PDZD2: variants seen among roughly 807,000 people sequenced by gnomAD.
PDZD2 encodes the protein PDZ domain containing 2, also known as PDZ domain-containing protein 2.
PDZD2 carries 90 observed loss-of-function variants against 220.7 expected under a neutral mutation model. That is an observed-to-expected ratio of 0.41 (90% CI 0.34 to 0.49). The LOEUF (loss-of-function observed/expected upper bound fraction) is 0.49. PDZD2 is among the 20% of genes least tolerant of loss of function. PDZD2 has a pLI of 0.28. For missense variants in PDZD2, 3,174 were observed against 3,608.5 expected, an observed-to-expected ratio of 0.88 and a Z score of 3.08; for synonymous variants, 1,375 against 1,450.5, an observed-to-expected ratio of 0.95 and a Z score of 1.18.
intron 2 of PDZD2, among the ~76,000 whole-genome samples, chr5:31,878,101 T>C (rs761648334): frequency 1.3e-5 from 2 of 152,164 alleles, no homozygotes; most frequent in Non-Finnish European, 2.9e-5. Flanking sequence ...GCATTTTATT[T>C]TTTGAGACAA....
At chr5:31,689,310 TAC>T (rs1322254325) in intron 1 of PDZD2, among the ~76,000 whole-genome samples, 15 of 129,158 alleles carry the variant, frequency 1.2e-4, no homozygotes, top group African/African-American at 4.6e-4. Context: ...TACACATACA[TAC>T]ATATACACAT....
chr5:32,093,280 A>G (rs1236038227), intron 21 of PDZD2, among the ~76,000 whole-genome samples: 1 of 152,212 alleles, frequency 6.6e-6, no homozygotes, highest in East Asian at 1.9e-4. Context: ...AGTAGCAACT[A>G]GTTACCATTC....
intron 5 of PDZD2, among the ~76,000 whole-genome samples, 185 bp from the exon 6 acceptor site, chr5:32,010,145 A>G (rs1053675707): frequency 5.3e-5 from 8 of 152,116 alleles, no homozygotes; most frequent in Admixed American, 1.3e-4. Context: ...TGTGGGGAAA[A>G]AATGGATTTG....
intron 19 of PDZD2, among the ~76,000 whole-genome samples, chr5:32,082,575 T>C (rs1035655419): frequency 2.6e-5 from 4 of 152,156 alleles, no homozygotes; most frequent in Non-Finnish European, 4.4e-5. Context: ...GACATTTTCA[T>C]GTGTAGCATT....
intron 7 of PDZD2, among the ~76,000 whole-genome samples, chr5:32,038,440 G>A (rs890971557): frequency 2.0e-5 from 3 of 152,006 alleles, no homozygotes; most frequent in African/African-American, 7.2e-5. Context: ...GGGAGACTGA[G>A]GCAGGGGAAT....
intron 1 of PDZD2, among the ~76,000 whole-genome samples, chr5:31,779,386 T>G (rs1194396254): frequency 6.7e-6 from 1 of 148,896 alleles, no homozygotes; most frequent in Admixed American, 6.7e-5. Flanking sequence ...TTTTTTTTTT[T>G]TTTTTTTGAG....
intron 1 of PDZD2, among the ~76,000 whole-genome samples, chr5:31,745,072 CA>C (rs1168359949): frequency 3.3e-5 from 5 of 150,134 alleles, no homozygotes; most frequent in African/African-American, 5.0e-5. Context: ...GACTCCGTCT[CA>C]AAAAAAATAA....
At chr5:31,869,375 C>T (rs560457908) in intron 2 of PDZD2, among the ~76,000 whole-genome samples, 4 of 152,008 alleles carry the variant, frequency 2.6e-5, no homozygotes, top group African/African-American at 4.8e-5. Flanking sequence ...CTGCCTCCCC[C>T]ACCCCTTGGA....
intron 1 of PDZD2, among the ~76,000 whole-genome samples, chr5:31,743,509 G>T (rs1750396028): frequency 6.6e-6 from 1 of 152,136 alleles, no homozygotes; most frequent in African/African-American, 2.4e-5. Flanking sequence ...TACAGTGGAA[G>T]TCTGTCATAT....
At chr5:31,775,327 G>C (rs1433831507) in intron 1 of PDZD2, among the ~76,000 whole-genome samples, 4 of 149,234 alleles carry the variant, frequency 2.7e-5, no homozygotes. Flanking sequence ...CTGGAATAGA[G>C]ATGTAATTGA....
intron 2 of PDZD2, among the ~76,000 whole-genome samples, chr5:31,801,390 A>G (rs1310363070): frequency 6.6e-6 from 1 of 151,860 alleles, no homozygotes; most frequent in Non-Finnish European, 1.5e-5. Context: ...ACCAGGCTCA[A>G]GATGCTGCAG....
intron 1 of PDZD2, among the ~76,000 whole-genome samples, chr5:31,756,730 T>C (rs1036501295): frequency 2.0e-5 from 3 of 152,192 alleles, no homozygotes; most frequent in African/African-American, 7.2e-5. Flanking sequence ...GCTGGCTCAG[T>C]ATCCACAGCC....
chr5:31,897,584 T>G (rs1359459399), intron 2 of PDZD2, among the ~76,000 whole-genome samples: 2 of 152,310 alleles, frequency 1.3e-5, no homozygotes, highest in East Asian at 3.9e-4. Context: ...TTCCTATTGA[T>G]GTGAAAATAT....
chr5:31,773,465 CCT>C (rs1377702383), intron 1 of PDZD2, among the ~76,000 whole-genome samples: 2 of 148,078 alleles, frequency 1.4e-5, no homozygotes, highest in Non-Finnish European at 3.0e-5. Context: ...ATGGCAAAAC[CCT>C]GTCTCTACTA....
intron 5 of PDZD2, among the ~76,000 whole-genome samples, chr5:32,001,681 C>T (rs1261715166): frequency 6.6e-6 from 1 of 152,234 alleles, no homozygotes; most frequent in African/African-American, 2.4e-5. Flanking sequence ...TCTTAAAGCA[C>T]TGGCTAGTCT....
chr5:32,059,427 G>A (rs1739468211), intron 13 of PDZD2, 71 bp downstream of exon 13: 2 of 734,238 alleles, frequency 2.7e-6, no homozygotes, highest in Non-Finnish European at 4.7e-6. Flanking sequence ...TGTGATATTT[G>A]TTCTATTACT....
At chr5:31,779,373 C>CT (rs58290929) in intron 1 of PDZD2, among the ~76,000 whole-genome samples, 25,252 of 106,614 alleles carry the variant, frequency 0.24, 4,516 homozygotes, top group South Asian at 0.27. Flanking sequence ...TTGTGAATCT[C>CT]TTTTTTTTTT....
At chr5:31,990,463 T>C (rs1751121017) in intron 3 of PDZD2, among the ~76,000 whole-genome samples, 1 of 152,164 alleles carries the variant, frequency 6.6e-6, no homozygotes, top group Admixed American at 6.5e-5. Flanking sequence ...TAAGCTAATG[T>C]AAAAGAAAAC....
At chr5:31,915,606 G>C (rs1303368006) in intron 2 of PDZD2, among the ~76,000 whole-genome samples, 1 of 152,182 alleles carries the variant, frequency 6.6e-6, no homozygotes, top group Non-Finnish European at 1.5e-5. Context: ...CTATATACAG[G>C]CCAGAGAGTT....
Sources: allele counts gnomAD v4.1 joint callset (sites outside exome capture counted in the v4.1 genomes callset), GRCh38; gene constraint gnomAD v4.1.1; transcripts MANE v1.5; gene names NCBI Gene and HGNC (gene_info 2026-07-23, HGNC 2026-07-21).